MTMR4: variants seen among roughly 807,000 people sequenced by gnomAD.
MTMR4 encodes myotubularin related protein 4, also known as phosphatidylinositol-3,5-bisphosphate 3-phosphatase MTMR4.
Under a neutral mutation model 125.5 loss-of-function variants are expected in MTMR4, and 30 were observed. That is an observed-to-expected ratio of 0.24 (90% CI 0.18 to 0.32). The LOEUF is 0.32. Among genes scored for constraint, MTMR4 ranks in the 10% least tolerant of loss-of-function variants. MTMR4 has a pLI of 1.00. For synonymous variants in MTMR4, 498 were observed against 564.5 expected (o/e 0.88, Z 1.67); for missense variants, 1,039 against 1,511.5 (o/e 0.69, Z 5.18).
At position 58,508,294 on chromosome 17, in the gene MTMR4, G is replaced by A; in HGVS notation, c.594-20C>T. The A allele has an allele frequency of 6.2e-7, 1 of 1,604,488 alleles. No homozygotes were observed. The highest frequency in any genetic ancestry group is 8.5e-7 in the Non-Finnish European group (1 of 1,171,286). ...CACAATCTGAGAAGAGACCAGGTGGGGGTCACTGCACTGGGTCTAAAACAT... is the reference window on the plus strand; with the variant it reads ...CACAATCTGAGAAGAGACCAGGTGGAGGTCACTGCACTGGGTCTAAAACAT... On this transcript the variant is annotated intron_variant, in intron 6 of 17. Coordinates refer to ENST00000682306, the MANE Select transcript of MTMR4 (RefSeq NM_001378067.1). This position sits in a 1 kb window ranked among gnomAD's most constrained non-coding sequence, Gnocchi z 4.8.
intron 14 of MTMR4, among the ~76,000 whole-genome samples, chr17:58,498,871 A>C (rs1975544026): frequency 6.6e-6 from 1 of 152,096 alleles, no homozygotes; most frequent in East Asian, 1.9e-4. Context: ...CTTGGGACCC[A>C]AAGTACTTTT....
rs1975321412 is a variant in MTMR4 at position 58,491,831 on chromosome 17, C to T, written c.3462G>A (p.Gly1154=). 2 of 1,611,156 alleles carry T rather than the reference C, an allele frequency of 1.2e-6. No homozygotes were observed. Among genetic ancestry groups the T allele is most frequent in the Non-Finnish European group, 1.7e-6 (2 of 1,177,758 alleles). ...GGCAGCATCCAGCACAAAATACATT[C>T]CCACAATTTCTGTCAAAGCAGAAAG... ...AKRRHHCRNC[G]NVFCAGCCHL... is the part of the protein sequence containing the mutation. Residue 1154 remains glycine (G), a synonymous_variant, in exon 18 of 18, where the codon GGG becomes GGA. Transcript: ENST00000682306.
chr17:58,506,422 C>G (rs931166402), intron 9 of MTMR4, among the ~76,000 whole-genome samples: 80 of 152,170 alleles, frequency 5.3e-4, no homozygotes, highest in Non-Finnish European at 9.4e-4. Flanking sequence ...CTCCTGAGCT[C>G]AAGCCATCCG....
intron 14 of MTMR4, among the ~76,000 whole-genome samples, chr17:58,497,268 G>A (rs1196862389): frequency 6.6e-6 from 1 of 152,040 alleles, no homozygotes; most frequent in Non-Finnish European, 1.5e-5. Flanking sequence ...TTAAGTAATC[G>A]GTTTTTGAAA....
intron 7 of MTMR4, among the ~76,000 whole-genome samples, chr17:58,507,651 T>C (rs1975812511): frequency 6.6e-6 from 1 of 152,224 alleles, no homozygotes; most frequent in African/African-American, 2.4e-5. Flanking sequence ...ACTTCCTGTC[T>C]CACTCTATTT....
At chr17:58,502,260 C>A (rs149223453) in intron 14 of MTMR4, among the ~76,000 whole-genome samples, 3 of 150,396 alleles carry the variant, frequency 2.0e-5, no homozygotes, top group African/African-American at 4.9e-5. Context: ...CAGATTCAAG[C>A]GATTCTTATG....
At position 58,504,299 on chromosome 17, in the gene MTMR4, T is replaced by G. The variant is rs767469258; in HGVS notation, c.1527+4A>C. ...TCCCTGTTGTCACAGGCCTTAGGACTTACCAGGAATGCTTCATTAAATTCA... is the reference window on the plus strand; with the variant it reads ...TCCCTGTTGTCACAGGCCTTAGGACGTACCAGGAATGCTTCATTAAATTCA... On this transcript the variant is annotated splice_donor_region_variant and intron_variant, in intron 12 of 17. Coordinates refer to ENST00000682306, the MANE Select transcript of MTMR4 (RefSeq NM_001378067.1). This position sits in a 1 kb window ranked among gnomAD's most constrained non-coding sequence, Gnocchi z 7.1. 1.9e-6 allele frequency: 3 copies of G among 1,613,254 alleles called. No homozygotes were observed. The highest frequency in any genetic ancestry group is 2.5e-6 in the Non-Finnish European group (3 of 1,179,272).
chr17:58,504,277 C>G lies in MTMR4; in HGVS notation c.1527+26G>C. 6.2e-7 allele frequency: 1 copy of G among 1,606,958 alleles called. No individual in the cohort carries two copies. Among genetic ancestry groups the G allele is most frequent in the Non-Finnish European group, 8.5e-7 (1 of 1,173,900 alleles). On this transcript the variant is annotated intron_variant, in intron 12 of 17. Transcript: ENST00000682306. The surrounding 1 kb of genome is among the most constrained non-coding windows in gnomAD (Gnocchi z 7.1). ...CCTCGGGCTGTCATTCCCCCCATCCCTGTTGTCACAGGCCTTAGGACTTAC... is the reference window on the plus strand; with the variant it reads ...CCTCGGGCTGTCATTCCCCCCATCCGTGTTGTCACAGGCCTTAGGACTTAC...
upstream of MTMR4, among the ~76,000 whole-genome samples, chr17:58,516,383 C>G (rs920795943): frequency 6.6e-6 from 1 of 152,156 alleles, no homozygotes; most frequent in African/African-American, 2.4e-5. Flanking sequence ...CTAGAAGCTT[C>G]CAGTCCCAGT....
At chr17:58,494,894 A>G (rs1975412241) in intron 15 of MTMR4, 38 bp downstream of exon 15, 1 of 1,574,056 alleles carries the variant, frequency 6.4e-7, no homozygotes, top group Non-Finnish European at 8.7e-7. Context: ...GGATGAACAG[A>G]GTAAATAATG....
chr17:58,515,749 A>G (rs550297946), upstream of MTMR4, among the ~76,000 whole-genome samples: 1 of 152,314 alleles, frequency 6.6e-6, no homozygotes, highest in Non-Finnish European at 1.5e-5. Context: ...GACTGAACCA[A>G]TAGTGCACAC....
upstream of MTMR4, chr17:58,517,729 GGA>G (rs2042038610): frequency 6.6e-6 from 1 of 152,618 alleles, no homozygotes; most frequent in African/African-American, 2.4e-5. Flanking sequence ...GCGGGACTCA[GGA>G]AAGCCGGTGG....
chr17:58,507,078 G>A, intron 8 of MTMR4, 45 bp downstream of exon 8: 1 of 1,609,408 alleles, frequency 6.2e-7, no homozygotes, highest in South Asian at 1.1e-5. Flanking sequence ...ATGAAGCCAA[G>A]GAGGGGGCCT....
At chr17:58,501,903 A>G (rs1162440455) in intron 14 of MTMR4, among the ~76,000 whole-genome samples, 1 of 151,808 alleles carries the variant, frequency 6.6e-6, no homozygotes, top group Non-Finnish European at 1.5e-5. Flanking sequence ...TACTACAAAT[A>G]CAAAAATTAG....
rs758225725 is a variant in MTMR4 at position 58,512,983 on chromosome 17, GC to G, written c.46-43del. 1.1e-5 allele frequency: 16 copies of G among 1,445,882 alleles called. No homozygotes were observed. In the South Asian group the frequency reaches 1.8e-4, roughly 17 times the overall value. The allele number at this position is 1,445,882 out of a possible 1,614,324, so 89.6% of individuals were successfully genotyped here. On this transcript the variant is annotated intron_variant, in intron 1 of 17. Transcript: ENST00000682306. This position sits in a 1 kb window ranked among gnomAD's most constrained non-coding sequence, Gnocchi z 4.1. Reference sequence around the variant, plus strand: ...GTCCTAAGTCACCAAGCTCCACTTAGCCCATCAGGCTCATTCTGCTCCTCTC... The same window carrying G: ...GTCCTAAGTCACCAAGCTCCACTTAGCCATCAGGCTCATTCTGCTCCTCTC...
chr17:58,504,857 G>A lies in MTMR4; in HGVS notation c.1263C>T (p.Cys421=), dbSNP rs1463467475. The A allele has an allele frequency of 6.2e-7, 1 of 1,614,210 alleles. No individual in the cohort carries two copies. The highest frequency in any genetic ancestry group is 8.5e-7 in the Non-Finnish European group (1 of 1,180,034). The change falls in exon 11 of 18, where the codon TGC becomes TGT. Residue 421 remains cysteine, a synonymous_variant. Coordinates refer to ENST00000682306, the MANE Select transcript of MTMR4 (RefSeq NM_001378067.1). The surrounding 1 kb of genome is among the most constrained non-coding windows in gnomAD (Gnocchi z 7.1). The part of the protein sequence containing the change: ...DREGRPVLVH[C]SDGWDRTPQI... The stretch of plus-strand genomic sequence containing the variant: ...GCGGTGTGCGGTCCCAGCCATCTGA[G>A]CAGTGTACCAGCACAGGCCGGCCTT...
Position 58,508,182 on chromosome 17 carries a change from C to T in MTMR4, c.686G>A (p.Arg229Gln). Residue 229 changes from arginine to glutamine, a missense_variant, in exon 7 of 18, where the codon CGG (arginine) becomes CAG (glutamine). Physicochemically the swap from Arg to Gln is conservative, Grantham distance 43. Transcript: ENST00000682306. This position sits in a 1 kb window ranked among gnomAD's most constrained non-coding sequence, Gnocchi z 4.8. ...TCACCTATACACAACCACGGGAATC[C>T]GCTTCCAGGAGCGGAAGGAAGCCAC... Reference protein sequence around the residue: ...ENVASFRSWKRIPVVVYRHLR... With the variant: ...ENVASFRSWKQIPVVVYRHLR... 1 of 1,613,724 alleles carries T rather than the reference C, an allele frequency of 6.2e-7. No individual in the cohort carries two copies. The highest frequency in any genetic ancestry group is 8.5e-7 in the Non-Finnish European group (1 of 1,179,938).
At position 58,507,186 on chromosome 17, in the gene MTMR4, C is replaced by T. The variant is rs1482745708; in HGVS notation, c.841G>A (p.Ala281Thr). ...CCGGTGCTGAGGGAGCCCCCAGTGGCCCTTGTCCCCGGGTCCAGGGCACAG... is the reference window on the plus strand; with the variant it reads ...CCGGTGCTGAGGGAGCCCCCAGTGGTCCTTGTCCCCGGGTCCAGGGCACAG... ...KACALDPGTR[A>T]TGGSLSTGNN... The change falls in exon 8 of 18, where the codon GCC (alanine) becomes ACC (threonine). Residue 281 changes from alanine to threonine, a missense_variant. Around this residue, in one of 6 missense-constraint regions of MTMR4, gnomAD observed 49 missense variants for 68.4 expected, o/e 0.72. Transcript: ENST00000682306. 6.2e-7 allele frequency: 1 copy of T among 1,614,164 alleles called. No homozygotes were observed. The highest frequency in any genetic ancestry group is 1.3e-5 in the African/African-American group (1 of 75,030).
chr17:58,502,518 A>AC (rs1975670644), intron 14 of MTMR4, among the ~76,000 whole-genome samples: 1 of 46,916 alleles, frequency 2.1e-5, no homozygotes, highest in Non-Finnish European at 3.6e-5. Flanking sequence ...CCCTGTAATG[A>AC]TAAAAAAAAA....
Sources: gnomAD v4.1 joint callset for allele counts (sites outside exome capture counted in the v4.1 genomes callset) on GRCh38, gnomAD v4.1.1 for gene constraint, gnomAD v4.1.1 regional missense constraint, Gnocchi (gnomAD v3.1) non-coding constraint, MANE v1.5 for transcripts, NCBI Gene and HGNC (gene_info 2026-07-23, HGNC 2026-07-21) for gene names.